LRBA: variants seen among roughly 807,000 people sequenced by gnomAD.
LRBA encodes LPS responsive beige-like anchor protein.
In LRBA, 176 loss-of-function variants were observed where a neutral mutation model predicts 330.0. The observed-to-expected ratio is 0.53, with a 90% confidence interval of 0.47 to 0.60. LRBA has a LOEUF of 0.60. Ranked by LOEUF, LRBA falls within the 20% of genes least tolerant of loss-of-function variation. LRBA has a pLI of 0.00. For synonymous variants in LRBA, 1,230 were observed against 1,193.0 expected, an observed-to-expected ratio of 1.03 and a Z score of -0.64; for missense variants, 3,259 against 3,444.8, an observed-to-expected ratio of 0.95 and a Z score of 1.35.
At chr4:150,440,181 C>A (rs1000638064) in intron 44 of LRBA, among the ~76,000 whole-genome samples, 17 of 151,844 alleles carry the variant, frequency 1.1e-4, no homozygotes, top group African/African-American at 3.9e-4. Flanking sequence ...GAAAGTGACT[C>A]AAAATACTGG....
At chr4:150,538,008 T>A (rs1373354349) in intron 40 of LRBA, among the ~76,000 whole-genome samples, 1 of 151,350 alleles carries the variant, frequency 6.6e-6, no homozygotes, top group Non-Finnish European at 1.5e-5. Flanking sequence ...ATGTGTCCAA[T>A]GTGCAACCAA....
chr4:150,425,436 T>C (rs948311573), intron 46 of LRBA, among the ~76,000 whole-genome samples: 1 of 152,158 alleles, frequency 6.6e-6, no homozygotes, highest in African/African-American at 2.4e-5. Context: ...ATGGCCAACA[T>C]TTAGTGTATC....
At chr4:150,971,155 G>A (rs966522437) in intron 2 of LRBA, among the ~76,000 whole-genome samples, 4 of 152,158 alleles carry the variant, frequency 2.6e-5, no homozygotes, top group Non-Finnish European at 5.9e-5. Flanking sequence ...GCAACCCTTA[G>A]AGGCAATGTA....
chr4:150,650,672 GAATTGAAGTT>G (rs1561471154), intron 37 of LRBA, among the ~76,000 whole-genome samples: 1 of 151,928 alleles, frequency 6.6e-6, no homozygotes, highest in Non-Finnish European at 1.5e-5. Flanking sequence ...GTTAATATTT[GAATTGAAGTT>G]TATGTTAAAA....
chr4:150,673,813 C>T (rs527396096), intron 37 of LRBA, among the ~76,000 whole-genome samples: 1 of 152,300 alleles, frequency 6.6e-6, no homozygotes, highest in African/African-American at 2.4e-5. Flanking sequence ...AATCATGTAT[C>T]ACTTTCATAC....
intron 34 of LRBA, among the ~76,000 whole-genome samples, chr4:150,770,136 T>C (rs1387934024): frequency 1.3e-5 from 2 of 152,200 alleles, no homozygotes; most frequent in South Asian, 2.1e-4. Flanking sequence ...GGAGTTCATC[T>C]GTTTCTGTTG....
intron 35 of LRBA, among the ~76,000 whole-genome samples, chr4:150,745,321 G>A (rs1176581408): frequency 6.6e-6 from 1 of 151,858 alleles, no homozygotes; most frequent in African/African-American, 2.4e-5. Flanking sequence ...AATAAAATTA[G>A]AACATAAGAA....
intron 37 of LRBA, among the ~76,000 whole-genome samples, chr4:150,622,271 CAG>C (rs200399234): frequency 0.021 from 3,197 of 152,228 alleles, 51 homozygotes; most frequent in Non-Finnish European, 0.031. Context: ...TTCTAAAAGA[CAG>C]ATCATGTGTA....
At chr4:150,996,069 C>A (rs1742601432) in intron 2 of LRBA, among the ~76,000 whole-genome samples, 13 of 125,224 alleles carry the variant, frequency 1.0e-4, no homozygotes, top group African/African-American at 1.8e-4. Context: ...CAACAACAAC[C>A]AAAAAAAAAA....
At chr4:150,441,282 G>A (rs999559914) in intron 44 of LRBA, among the ~76,000 whole-genome samples, 21 of 152,164 alleles carry the variant, frequency 1.4e-4, no homozygotes, top group African/African-American at 5.1e-4. Flanking sequence ...TACTGTGGAT[G>A]ATCTGTAAGA....
Position 150,321,052 on chromosome 4 carries a change from C to T in LRBA, c.7630+139G>A. On this transcript the variant is annotated intron_variant, in intron 50 of 56. Transcript: ENST00000651943. The surrounding 1 kb of genome is among the most constrained non-coding windows in gnomAD (Gnocchi z 4.5). The stretch of plus-strand genomic sequence containing the variant: ...ATGCCTCACGTGGGCCTTTTTTAAG[C>T]CTTTCAAACTATTAAACAATTTGAT... 1 of 779,216 alleles carries T rather than the reference C, an allele frequency of 1.3e-6. No individual in the cohort carries two copies. Among genetic ancestry groups the T allele is most frequent in the Non-Finnish European group, 2.0e-6 (1 of 508,000 alleles). The allele number at this position is 779,216 out of a possible 1,614,324, so 48.3% of individuals were successfully genotyped here.
chr4:150,647,362 T>TTC (rs1358781488), intron 37 of LRBA, among the ~76,000 whole-genome samples: 1 of 136,364 alleles, frequency 7.3e-6, no homozygotes, highest in East Asian at 2.1e-4. Flanking sequence ...CTTTTTTTTT[T>TTC]TTTTTTTTTT....
intron 40 of LRBA, among the ~76,000 whole-genome samples, chr4:150,553,970 C>T (rs1766955350): frequency 6.6e-6 from 1 of 152,130 alleles, no homozygotes; most frequent in African/African-American, 2.4e-5. Flanking sequence ...TATTACTGGT[C>T]AAGGGTTCAT....
At chr4:150,922,876 G>A (rs551100753) in intron 4 of LRBA, among the ~76,000 whole-genome samples, 4 of 152,098 alleles carry the variant, frequency 2.6e-5, no homozygotes, top group African/African-American at 7.2e-5. Flanking sequence ...ATGATTATCC[G>A]CAGTTTACAG....
intron 32 of LRBA, among the ~76,000 whole-genome samples, chr4:150,806,694 G>A (rs1742846046): frequency 6.6e-6 from 1 of 151,862 alleles, no homozygotes; most frequent in South Asian, 2.1e-4. Flanking sequence ...TTTGTTTTTA[G>A]GCCCATTATA....
At chr4:150,394,873 C>G (rs1041234532) in intron 47 of LRBA, among the ~76,000 whole-genome samples, 1 of 152,074 alleles carries the variant, frequency 6.6e-6, no homozygotes, top group Non-Finnish European at 1.5e-5. Context: ...CCACCCAAGA[C>G]CAGTGAGTAC....
rs1444629828 is a variant in LRBA, at chr4:150,988,650, C to T, written c.216+25777G>A. Among the ~76,000 whole-genome samples, 3 of 151,902 alleles carry T rather than the reference C, an allele frequency of 2.0e-5. 1 individual carries two copies. Among genetic ancestry groups the T allele is most frequent in the African/African-American group, 7.3e-5 (3 of 41,314 alleles). ...CTGGAGTGCAGTGGTGCAATCTCGG[C>T]TCACTGCAACCTCTGTCTCCCGGGT... On this transcript the variant is annotated intron_variant, in intron 2 of 56. Transcript: ENST00000651943.
intron 36 of LRBA, among the ~76,000 whole-genome samples, chr4:150,688,554 A>G (rs1783827963): frequency 1.3e-5 from 2 of 152,240 alleles, no homozygotes; most frequent in Non-Finnish European, 2.9e-5. Context: ...CAATCTATCC[A>G]TCTGACAAAG....
chr4:150,663,174 A>G (rs1459888194), intron 37 of LRBA, among the ~76,000 whole-genome samples: 1 of 152,198 alleles, frequency 6.6e-6, no homozygotes, highest in Non-Finnish European at 1.5e-5. Context: ...AATGTAACCT[A>G]GCTAAAATAA....
Sources: allele counts gnomAD v4.1 joint callset (sites outside exome capture counted in the v4.1 genomes callset), GRCh38; gene constraint gnomAD v4.1.1; non-coding constraint Gnocchi (gnomAD v3.1); transcripts MANE v1.5; gene names NCBI Gene and HGNC (gene_info 2026-07-23, HGNC 2026-07-21).